Variants in ADCY8 observed in about 807,000 individuals in gnomAD.
The protein encoded by ADCY8 is adenylate cyclase type 8.
Under a neutral mutation model 119.7 loss-of-function variants are expected in ADCY8, and 51 were observed. The ratio of observed to expected loss-of-function variants is 0.43; its 90% CI spans 0.34 to 0.54. ADCY8 has a LOEUF of 0.54. Ranked by LOEUF, ADCY8 falls within the 20% of genes least tolerant of loss-of-function variation. The probability of loss-of-function intolerance (pLI) is 0.03; values close to 1 mark genes in which losing one functional copy is unlikely to be tolerated. For synonymous variants in ADCY8, 665 were observed against 651.0 expected (o/e 1.02, Z -0.33); for missense variants, 1,383 against 1,598.8 (o/e 0.87, Z 2.30).
At chr8:130,890,431 T>C (rs1819146742) in intron 7 of ADCY8, among the ~76,000 whole-genome samples, 1 of 152,182 alleles carries the variant, frequency 6.6e-6, no homozygotes, top group Admixed American at 6.5e-5. Flanking sequence ...AAAGTCCCTT[T>C]AGTTTTTTTC....
At position 130,909,815 on chromosome 8, in the gene ADCY8, G is replaced by A. The variant is rs1193962763; in HGVS notation, c.1533C>T (p.His511=). Residue 511 remains histidine (H), a synonymous_variant, in exon 6 of 18, where the codon CAC becomes CAT. Transcript: ENST00000286355. ...AAACACCGCACAGCACCGAGCCGGA[G>A]TGGATTCCAATCCTCATGTCAACAT... ...KHDVDMRIGI[H]SGSVLCGVLG... is the part of the protein sequence containing the mutation. 6 of 1,614,056 alleles carry A rather than the reference G, an allele frequency of 3.7e-6. No homozygotes were observed. Among genetic ancestry groups the A allele is most frequent in the Non-Finnish European group, 5.1e-6 (6 of 1,180,042 alleles).
Position 130,986,636 on chromosome 8 carries a change from A to T in ADCY8, c.1110+3757T>A, listed in dbSNP as rs566201229. 2.6e-5 allele frequency among the ~76,000 whole-genome samples: 4 copies of T among 152,350 alleles called. No homozygotes were observed. The South Asian group carries it at 8.3e-4, about 32-fold the overall frequency. On this transcript the variant is annotated intron_variant, in intron 2 of 17. Coordinates refer to ENST00000286355, the MANE Select transcript of ADCY8 (RefSeq NM_001115.3). ...AATGCTGAGGCAGAAGAGTAGAGAC[A>T]CATTAGGAGGGAGGTGGATTTCCCA...
intron 5 of ADCY8, among the ~76,000 whole-genome samples, chr8:130,924,409 C>T (rs6995900): frequency 6.6e-6 from 1 of 152,030 alleles, no homozygotes; most frequent in Admixed American, 6.6e-5. Flanking sequence ...AGGGGACTGA[C>T]GCCCTTTGCT....
chr8:130,890,332 C>T (rs1185336381), intron 7 of ADCY8, among the ~76,000 whole-genome samples: 1 of 151,932 alleles, frequency 6.6e-6, no homozygotes, highest in Non-Finnish European at 1.5e-5. Flanking sequence ...CACATGTACC[C>T]TAAAACTTAA....
chr8:130,810,865 C>A (rs1389622747), intron 14 of ADCY8, among the ~76,000 whole-genome samples: 1 of 152,202 alleles, frequency 6.6e-6, no homozygotes, highest in Non-Finnish European at 1.5e-5. Context: ...GGTTGGTTTC[C>A]TTCCTTTCAG....
At chr8:130,796,390 G>C (rs981182658) in intron 15 of ADCY8, among the ~76,000 whole-genome samples, 2 of 152,196 alleles carry the variant, frequency 1.3e-5, no homozygotes, top group Non-Finnish European at 2.9e-5. Context: ...TGTGGGATGA[G>C]GAGCCCTTGA....
intron 6 of ADCY8, 45 bp from the exon 7 acceptor site, chr8:130,904,087 T>C: frequency 1.3e-6 from 2 of 1,555,866 alleles, no homozygotes; most frequent in Non-Finnish European, 1.7e-6. Context: ...TGATGTTGCC[T>C]GCAAAGGCTA....
At chr8:130,801,899 C>CTTT (rs34853195) in intron 14 of ADCY8, among the ~76,000 whole-genome samples, 10,205 of 97,432 alleles carry the variant, frequency 0.1, 851 homozygotes, top group South Asian at 0.26. Context: ...TTGAGAATGC[C>CTTT]TTTTTTTTTT....
rs545312990 is a variant in ADCY8, at chr8:130,974,175, C to A, written c.1110+16218G>T. Among the ~76,000 whole-genome samples, 6 of 152,334 alleles carry A rather than the reference C, an allele frequency of 3.9e-5. No individual in the cohort carries two copies. The South Asian group carries it at 1.0e-3, about 26-fold the overall frequency. ...GATGGGTTTTCCACCTCCCTAACTT[C>A]TGAGCTTTATTATCAAGAATGGCAG... On this transcript the variant is annotated intron_variant, in intron 2 of 17. Transcript: ENST00000286355.
intron 3 of ADCY8, among the ~76,000 whole-genome samples, chr8:130,950,117 G>T (rs1380034868): frequency 6.6e-6 from 1 of 152,202 alleles, no homozygotes; most frequent in Non-Finnish European, 1.5e-5. Context: ...GCTGACATTA[G>T]GAGGAAAGGA....
At chr8:130,884,847 A>G (rs1457588765) in intron 7 of ADCY8, 86 bp from the exon 8 acceptor site, 1 of 1,282,104 alleles carries the variant, frequency 7.8e-7, no homozygotes, top group Non-Finnish European at 1.1e-6. Context: ...ATCATGTTGC[A>G]TTGCAAACAG....
chr8:130,936,041 T>A (rs1820774377), intron 5 of ADCY8, among the ~76,000 whole-genome samples: 1 of 151,722 alleles, frequency 6.6e-6, no homozygotes, highest in South Asian at 2.1e-4. Flanking sequence ...TAAGTCTGAG[T>A]TTTTGAGGGT....
intron 8 of ADCY8, among the ~76,000 whole-genome samples, chr8:130,870,773 A>G (rs1818325571): frequency 6.6e-6 from 1 of 152,186 alleles, no homozygotes. Flanking sequence ...GTAAGATATT[A>G]TATTTTCAAT....
chr8:130,987,271 C>T (rs1398994430), intron 2 of ADCY8, among the ~76,000 whole-genome samples: 1 of 152,088 alleles, frequency 6.6e-6, no homozygotes, highest in African/African-American at 2.4e-5. Flanking sequence ...TTTCGATAGC[C>T]TTCTGCAAGC....
intron 8 of ADCY8, among the ~76,000 whole-genome samples, chr8:130,880,569 T>G (rs1818731416): frequency 6.6e-6 from 1 of 152,182 alleles, no homozygotes; most frequent in Non-Finnish European, 1.5e-5. Flanking sequence ...AAATGATTCA[T>G]CTGGGAAATG....
At chr8:131,014,710 TA>T (rs1823415358) in intron 1 of ADCY8, among the ~76,000 whole-genome samples, 2 of 152,186 alleles carry the variant, frequency 1.3e-5, no homozygotes, top group Admixed American at 1.3e-4. Flanking sequence ...GGAATCTACT[TA>T]CCCCCTCTAA....
intron 7 of ADCY8, among the ~76,000 whole-genome samples, chr8:130,890,611 T>C (rs28469094): frequency 0.12 from 18,155 of 152,210 alleles, 1,109 homozygotes; most frequent in African/African-American, 0.13. Context: ...CAAGGGCCTT[T>C]AAAGGCAGCC....
chr8:130,992,314 C>T (rs1326362067), intron 1 of ADCY8, among the ~76,000 whole-genome samples: 1 of 143,618 alleles, frequency 7.0e-6, no homozygotes, highest in Non-Finnish European at 1.5e-5. Flanking sequence ...AAACTCCTGA[C>T]CTCAAGTGAT....
At chr8:130,904,614 T>C (rs1819721570) in intron 6 of ADCY8, among the ~76,000 whole-genome samples, 1 of 152,154 alleles carries the variant, frequency 6.6e-6, no homozygotes. Flanking sequence ...CACTGTAGGG[T>C]ACAATTTCCC....
Sources: gnomAD v4.1 joint callset for allele counts (sites outside exome capture counted in the v4.1 genomes callset) on GRCh38, gnomAD v4.1.1 for gene constraint, MANE v1.5 for transcripts, NCBI Gene and HGNC (gene_info 2026-07-23, HGNC 2026-07-21) for gene names.